MTFR1: variants seen among roughly 807,000 people sequenced by gnomAD.
MTFR1 encodes mitochondrial fission regulator 1, also known as chondrocyte protein with a poly-proline region.
Under a neutral mutation model 38.8 loss-of-function variants are expected in MTFR1, and 28 were observed. The observed-to-expected ratio is 0.72, with a 90% CI of 0.53 to 0.99. MTFR1 has a LOEUF of 0.99. MTFR1 is among the 50% of genes least tolerant of loss of function. MTFR1 has a pLI of 0.00. For synonymous variants in MTFR1, 145 were observed against 137.0 expected, an observed-to-expected ratio of 1.06 and a Z score of -0.41; for missense variants, 358 against 395.5, an observed-to-expected ratio of 0.91 and a Z score of 0.81.
intron 3 of MTFR1, among the ~76,000 whole-genome samples, chr8:65,737,620 G>A (rs1174359453): frequency 6.6e-6 from 1 of 152,172 alleles, no homozygotes; most frequent in East Asian, 1.9e-4. Flanking sequence ...CTGGGTTCAA[G>A]TAATTCTCCT....
Position 65,724,801 on chromosome 8 carries a change from G to A in MTFR1, c.*48+5320G>A, listed in dbSNP as rs1273521262. 3.7e-6 allele frequency: 6 copies of A among 1,608,118 alleles called. No individual in the cohort carries two copies. In the South Asian group the frequency reaches 5.5e-5, roughly 15 times the overall value. ...CCTGTAAAACCAAATGTCTGTGTCTGGTGTCTTCTAGGCATAAATCACCTC... is the reference window on the plus strand; with the variant it reads ...CCTGTAAAACCAAATGTCTGTGTCTAGTGTCTTCTAGGCATAAATCACCTC... On this transcript the variant is annotated intron_variant, in intron 3 of 3. Coordinates refer to the MTFR1 transcript ENST00000521247.
rs529755027 is a variant in MTFR1 at position 65,645,943 on chromosome 8, G to C, written c.-81+1159G>C. ...ACATATAATAATTTGCTTTCTAGAG[G>C]GGTCAAGTAAAATAAGGGACATATT... On this transcript the variant is annotated intron_variant, in intron 1 of 7. Transcript: ENST00000262146. Among the ~76,000 whole-genome samples, 195 of 152,170 alleles carry C rather than the reference G, an allele frequency of 1.3e-3. 1 individual carries two copies. The highest frequency in any genetic ancestry group is 2.5e-3 in the Non-Finnish European group (167 of 68,004).
Position 65,704,751 on chromosome 8 carries a change from C to T in MTFR1, c.339C>T (p.Ala113=). Residue 113 remains alanine (A), a synonymous_variant, in exon 5 of 8, where the codon GCC becomes GCT. Transcript: ENST00000262146. ...LQDDLLFFEK[A]PSRQISLPDL... is the part of the protein sequence containing the mutation. The stretch of plus-strand genomic sequence containing the variant: ...ATGACCTTCTTTTCTTTGAGAAGGC[C>T]CCAAGCAGACAGATTTCCTTACCAG... The T allele has an allele frequency of 1.2e-6, 2 of 1,614,006 alleles. No individual in the cohort carries two copies. The highest frequency in any genetic ancestry group is 1.7e-6 in the Non-Finnish European group (2 of 1,180,008).
At position 65,734,985 on chromosome 8, in the gene MTFR1, C is replaced by T. The variant is rs1807063872; in HGVS notation, c.*48+15504C>T. ...GATAATTATGAGTTACCCACTCATA[C>T]TTTTCATGTAGCTATCGGCTAAAAT... On this transcript the variant is annotated intron_variant, in intron 3 of 3. Coordinates refer to the MTFR1 transcript ENST00000521247. 13 of 802,044 alleles carry T rather than the reference C, an allele frequency of 1.6e-5. 1 individual carries two copies. In the South Asian group the frequency reaches 1.8e-4, roughly 11 times the overall value. 49.7% of individuals were successfully genotyped at this position (802,044 alleles called of 1,614,324 possible).
chr8:65,703,331 A>G (rs181287077), intron 4 of MTFR1, among the ~76,000 whole-genome samples: 1 of 151,348 alleles, frequency 6.6e-6, no homozygotes, highest in Admixed American at 6.6e-5. Context: ...AGTGTGGGTA[A>G]CAGAGCGAGA....
intron 3 of MTFR1, among the ~76,000 whole-genome samples, chr8:65,686,445 G>T (rs543479096): frequency 2.2e-4 from 34 of 151,446 alleles, no homozygotes; most frequent in African/African-American, 7.7e-4. Context: ...GATAGCAAGT[G>T]CCTGTAATCC....
At chr8:65,715,195 C>CAA (rs1806082631), downstream of MTFR1, among the ~76,000 whole-genome samples, 2 of 151,852 alleles carry the variant, frequency 1.3e-5, no homozygotes, top group Non-Finnish European at 2.9e-5. Context: ...TAACTGTTTC[C>CAA]TAAAATTTTT....
intron 3 of MTFR1, among the ~76,000 whole-genome samples, chr8:65,739,020 G>C (rs1347177359): frequency 6.6e-6 from 1 of 152,242 alleles, no homozygotes; most frequent in Non-Finnish European, 1.5e-5. Context: ...GCTGCATGCA[G>C]AAGTGAAGGT....
chr8:65,660,296 A>G (rs1314601323), intron 1 of MTFR1, among the ~76,000 whole-genome samples: 3 of 147,852 alleles, frequency 2.0e-5, no homozygotes, highest in Non-Finnish European at 3.0e-5. Flanking sequence ...TGTCTCAAAA[A>G]AAAAAAAAAA....
At chr8:65,678,252 C>T (rs1031595272) in intron 2 of MTFR1, among the ~76,000 whole-genome samples, 1 of 152,070 alleles carries the variant, frequency 6.6e-6, no homozygotes, top group African/African-American at 2.4e-5. Context: ...TTCACTGTTT[C>T]TGTACAGCCA....
chr8:65,746,222 C>A (rs1273122782), intron 3 of MTFR1, among the ~76,000 whole-genome samples: 4 of 151,960 alleles, frequency 2.6e-5, no homozygotes, highest in Admixed American at 1.3e-4. Flanking sequence ...GCATGAGCCA[C>A]TGCACCCAGC....
At chr8:65,685,706 G>A (rs777213841) in intron 3 of MTFR1, among the ~76,000 whole-genome samples, 12 of 152,186 alleles carry the variant, frequency 7.9e-5, no homozygotes, top group Admixed American at 1.3e-4. Context: ...ATGTATGTCT[G>A]CCCTTATTGG....
chr8:65,770,464 A>G (rs916679397), intron 3 of MTFR1, among the ~76,000 whole-genome samples: 6 of 152,192 alleles, frequency 3.9e-5, no homozygotes, highest in Non-Finnish European at 7.3e-5. Context: ...TACCACGAGA[A>G]CAGTATGGGG....
intron 4 of MTFR1, among the ~76,000 whole-genome samples, chr8:65,695,482 G>A (rs1396674876): frequency 6.6e-6 from 1 of 152,028 alleles, no homozygotes; most frequent in Non-Finnish European, 1.5e-5. Context: ...TCAGCCTTCC[G>A]AGTAGCTGGG....
intron 3 of MTFR1, among the ~76,000 whole-genome samples, chr8:65,757,657 C>G (rs1015953066): frequency 6.6e-6 from 1 of 152,236 alleles, no homozygotes; most frequent in East Asian, 1.9e-4. Flanking sequence ...CTCGCTCTGT[C>G]GCCCAGGCTG....
At position 65,734,963 on chromosome 8, in the gene MTFR1, A is replaced by G. The variant is rs964730784; in HGVS notation, c.*48+15482A>G. 6 of 971,726 alleles carry G rather than the reference A, an allele frequency of 6.2e-6. No individual in the cohort carries two copies. The African/African-American group carries it at 9.6e-5, about 16-fold the overall frequency. 60.2% of individuals were successfully genotyped at this position (971,726 alleles called of 1,614,324 possible). A position where few individuals can be genotyped will look rare whatever the true frequency, so the allele number is the denominator to read the frequency against. On this transcript the variant is annotated intron_variant, in intron 3 of 3. Transcript: ENST00000521247. ...CATATACAAGGACAAAAATTGTGAT[A>G]ATTATGAGTTACCCACTCATACTTT...
chr8:65,674,085 A>G (rs942002456), intron 2 of MTFR1, among the ~76,000 whole-genome samples: 1 of 152,036 alleles, frequency 6.6e-6, no homozygotes, highest in Non-Finnish European at 1.5e-5. Context: ...GGAAAGTGAA[A>G]TGCATTCCCA....
intron 1 of MTFR1, among the ~76,000 whole-genome samples, chr8:65,651,515 A>G (rs1563430996): frequency 6.6e-6 from 1 of 152,156 alleles, no homozygotes; most frequent in African/African-American, 2.4e-5. Flanking sequence ...ATTCTTCGGT[A>G]TGTGGATATC....
chr8:65,704,727 T>C lies in MTFR1; in HGVS notation c.315T>C (p.Asp105=). 6.2e-7 allele frequency: 1 copy of C among 1,614,146 alleles called. No individual in the cohort carries two copies. Among genetic ancestry groups the C allele is most frequent in the Non-Finnish European group, 8.5e-7 (1 of 1,180,008 alleles). The change falls in exon 5 of 8, where the codon GAT becomes GAC. Residue 105 remains aspartate (D), a synonymous_variant. Transcript: ENST00000262146. ...TCAGATCAAGGCCACCCCTTCAGGA[T>C]GACCTTCTTTTCTTTGAGAAGGCCC... ...TEVRSRPPLQ[D]DLLFFEKAPS...
Sources: allele counts gnomAD v4.1 joint callset (sites outside exome capture counted in the v4.1 genomes callset), GRCh38; gene constraint gnomAD v4.1.1; transcripts MANE v1.5; gene names NCBI Gene and HGNC (gene_info 2026-07-23, HGNC 2026-07-21).